Variants in LRP2 observed in about 807,000 individuals in gnomAD.
The protein encoded by LRP2 is low-density lipoprotein receptor-related protein 2.
LRP2 carries 172 observed loss-of-function variants against 531.0 expected under a neutral mutation model. The observed-to-expected ratio is 0.32, with a 90% CI of 0.29 to 0.37. The LOEUF (loss-of-function observed/expected upper bound fraction) is 0.37, where lower values mean the gene tolerates loss of function less well. Among genes scored for constraint, LRP2 ranks in the 10% least tolerant of loss-of-function variants. The probability of loss-of-function intolerance (pLI) is 1.00; values close to 1 mark genes in which losing one functional copy is unlikely to be tolerated. For missense variants in LRP2, 5,167 were observed against 5,868.3 expected (o/e 0.88, Z 3.90); for synonymous variants, 1,992 against 2,027.6 (o/e 0.98, Z 0.47).
chr2:169,236,283 C>T (rs1270274780), intron 28 of LRP2, among the ~76,000 whole-genome samples: 1 of 152,074 alleles, frequency 6.6e-6, no homozygotes, highest in Non-Finnish European at 1.5e-5. Flanking sequence ...TTATAATGTT[C>T]ATAAAACATG....
intron 57 of LRP2, 102 bp downstream of exon 57, chr2:169,172,994 A>T: frequency 6.8e-7 from 1 of 1,474,662 alleles, no homozygotes; most frequent in Non-Finnish European, 9.4e-7. Context: ...TAAACAAAGA[A>T]AAGATGACAT....
intron 18 of LRP2, 109 bp downstream of exon 18, chr2:169,257,015 G>A (rs1189286967): frequency 1.4e-5 from 17 of 1,252,378 alleles, no homozygotes; most frequent in Admixed American, 5.1e-5. Flanking sequence ...AAAATTCCGC[G>A]AGGGCAAGCA....
intron 1 of LRP2, among the ~76,000 whole-genome samples, chr2:169,326,900 C>T (rs1228609530): frequency 3.3e-5 from 5 of 151,608 alleles, no homozygotes; most frequent in African/African-American, 4.8e-5. Flanking sequence ...TGCCTCTGCC[C>T]GGCGGCGACC....
chr2:169,170,952 G>A (rs1292728319), intron 58 of LRP2, among the ~76,000 whole-genome samples: 1 of 100,440 alleles, frequency 1.0e-5, no homozygotes, highest in East Asian at 2.4e-4. Context: ...TTTGAAACAG[G>A]ATCTTTCAAC....
chr2:169,275,239 CTGT>C lies in LRP2; in HGVS notation c.1773-4_1773-2del. 2.5e-6 allele frequency: 4 copies of C among 1,611,322 alleles called. No individual in the cohort carries two copies. Among genetic ancestry groups the C allele is most frequent in the Non-Finnish European group, 2.5e-6 (3 of 1,177,854 alleles). On this transcript the variant is annotated splice_acceptor_variant and splice_polypyrimidine_tract_variant and intron_variant, in intron 13 of 78. Transcript: ENST00000649046. LOFTEE classifies it high-confidence loss of function. The stretch of plus-strand genomic sequence containing the variant: ...GGAGCCTCCATGAACTACAGTCTTC[CTGT>C]TATAAAAGACACATATATATCATAC...
chr2:169,292,172 TA>T, intron 7 of LRP2, 80 bp downstream of exon 7: 1 of 1,125,526 alleles, frequency 8.9e-7, no homozygotes. Flanking sequence ...ACAAAATTTC[TA>T]AAAAGGAAAG....
chr2:169,237,343 A>T, intron 27 of LRP2, 56 bp from the exon 28 acceptor site: 1 of 1,258,982 alleles, frequency 7.9e-7, no homozygotes, highest in Non-Finnish European at 1.2e-6. Flanking sequence ...GAATGCAAAC[A>T]TGGATATTAT....
chr2:169,290,827 G>T lies in LRP2; in HGVS notation c.922+18C>A, dbSNP rs765250135. ...ATATCTTTATCTGAAAGCTACCCAG[G>T]TAAATGTCTATACTCACTACAGTAT... On this transcript the variant is annotated intron_variant, in intron 8 of 78. Coordinates refer to ENST00000649046, the MANE Select transcript of LRP2 (RefSeq NM_004525.3). 1 of 1,612,642 alleles carries T rather than the reference G, an allele frequency of 6.2e-7. No homozygotes were observed. Among genetic ancestry groups the T allele is most frequent in the South Asian group, 1.1e-5 (1 of 90,952 alleles).
At chr2:169,218,167 T>C (rs1688862696) in intron 34 of LRP2, among the ~76,000 whole-genome samples, 1 of 152,184 alleles carries the variant, frequency 6.6e-6, no homozygotes, top group African/African-American at 2.4e-5. Context: ...CTCAAGTCTC[T>C]GTCTTGTTTC....
rs1206926558 is a variant in LRP2, at chr2:169,193,746, A to G, written c.8830+15T>C. The G allele has an allele frequency of 1.2e-6, 2 of 1,614,162 alleles. No individual in the cohort carries two copies. Among genetic ancestry groups the G allele is most frequent in the South Asian group, 2.2e-5 (2 of 91,086 alleles). On this transcript the variant is annotated intron_variant, in intron 47 of 78. Coordinates refer to ENST00000649046, the MANE Select transcript of LRP2 (RefSeq NM_004525.3). ...GGAATGTGACTCTGCAGAGGAATTA[A>G]TTGGCTTCACTTACGACACTGGTGC... is the stretch of plus-strand genomic sequence containing the variant.
chr2:169,288,512 C>T (rs986538379), intron 9 of LRP2, among the ~76,000 whole-genome samples: 4 of 152,148 alleles, frequency 2.6e-5, no homozygotes, highest in African/African-American at 9.7e-5. Flanking sequence ...AAGGCACTGG[C>T]CCACCAGTGT....
chr2:169,350,326 G>A (rs1685813043), intron 1 of LRP2, among the ~76,000 whole-genome samples: 1 of 152,160 alleles, frequency 6.6e-6, no homozygotes, highest in African/African-American at 2.4e-5. Flanking sequence ...CATGTCAAAT[G>A]AGCAGTTGGA....
intron 76 of LRP2, among the ~76,000 whole-genome samples, chr2:169,133,938 T>C (rs770528787): frequency 4.6e-5 from 7 of 152,282 alleles, no homozygotes; most frequent in African/African-American, 1.7e-4. Flanking sequence ...ATTACTTCAG[T>C]CAAGCCCAAA....
intron 14 of LRP2, 113 bp downstream of exon 14, chr2:169,274,923 T>G (rs1683512465): frequency 2.9e-6 from 3 of 1,043,582 alleles, no homozygotes; most frequent in African/African-American, 1.6e-5. Flanking sequence ...TTCATATACT[T>G]GAGAATGCCA....
chr2:169,206,697 G>A lies in LRP2; in HGVS notation c.7023C>T (p.Val2341=), dbSNP rs754707529. Residue 2341 remains valine, a synonymous_variant, in exon 39 of 79, where the codon GTC becomes GTT. Coordinates refer to ENST00000649046, the MANE Select transcript of LRP2 (RefSeq NM_004525.3). ...TGTTTTCCAAGCAAGGGTTGTTGTT[G>A]ACCTCTGCTGGTGACCGGGGCTGGA... ...KQVQPRSPAE[V]NNNPCLENNG... The A allele has an allele frequency of 6.2e-7, 1 of 1,614,156 alleles. No individual in the cohort carries two copies. Among genetic ancestry groups the A allele is most frequent in the Admixed American group, 1.7e-5 (1 of 60,018 alleles).
At chr2:169,210,051 G>C (rs1204541062) in intron 37 of LRP2, among the ~76,000 whole-genome samples, 1 of 152,088 alleles carries the variant, frequency 6.6e-6, no homozygotes, top group Non-Finnish European at 1.5e-5. Context: ...ATAAAAATTT[G>C]AGCCCATAAT....
In LRP2 at chr2:169,129,639, T is replaced by C. The variant is rs547046278; in HGVS notation, c.13729-555A>G. On this transcript the variant is annotated intron_variant, in intron 77 of 78. Coordinates refer to ENST00000649046, the MANE Select transcript of LRP2 (RefSeq NM_004525.3). ...GGAACTATTCTAAGAGTTTTACAAG[T>C]TTCTGATTTTTTTTAACAAACCCCA... is the stretch of plus-strand genomic sequence containing the variant. 3.3e-5 allele frequency among the ~76,000 whole-genome samples: 5 copies of C among 152,300 alleles called. No individual in the cohort carries two copies. The South Asian group carries it at 1.0e-3, about 32-fold the overall frequency.
intron 9 of LRP2, among the ~76,000 whole-genome samples, chr2:169,285,293 CA>C (rs3836047): frequency 0.72 from 108,568 of 151,802 alleles, 41,212 homozygotes; most frequent in Non-Finnish European, 0.86. Flanking sequence ...GACCCTATCA[CA>C]AAAAAACAGG....
chr2:169,162,032 A>G (rs549751790), intron 63 of LRP2, among the ~76,000 whole-genome samples: 69 of 152,242 alleles, frequency 4.5e-4, no homozygotes, highest in Admixed American at 4.6e-4. Context: ...TCCTAATGCT[A>G]TCCCTCCCCC....
Sources: gnomAD v4.1 joint callset for allele counts (sites outside exome capture counted in the v4.1 genomes callset) on GRCh38, gnomAD v4.1.1 for gene constraint, MANE v1.5 for transcripts, NCBI Gene and HGNC (gene_info 2026-07-23, HGNC 2026-07-21) for gene names.